PAN3: variants seen among roughly 807,000 people sequenced by gnomAD.
PAN3 encodes PAN2-PAN3 deadenylation complex subunit PAN3.
PAN3 carries 19 observed loss-of-function variants against 96.2 expected under a neutral mutation model. The observed-to-expected ratio is 0.20, with a 90% confidence interval of 0.14 to 0.29. The LOEUF (loss-of-function observed/expected upper bound fraction) is 0.29, where lower values mean the gene tolerates loss of function less well. Among genes scored for constraint, PAN3 ranks in the 10% least tolerant of loss-of-function variants. The pLI is 1.00. For synonymous variants in PAN3, 433 were observed against 406.6 expected (o/e 1.06, Z -0.78); for missense variants, 882 against 1,108.1 (o/e 0.80, Z 2.90).
chr13:28,178,559 T>C (rs1438259719), intron 4 of PAN3, among the ~76,000 whole-genome samples: 1 of 152,134 alleles, frequency 6.6e-6, no homozygotes, highest in African/African-American at 2.4e-5. Flanking sequence ...CTAGAGAAGA[T>C]AGTCTTTTTT....
chr13:28,182,619 T>G (rs923322270), intron 4 of PAN3, among the ~76,000 whole-genome samples: 1 of 152,204 alleles, frequency 6.6e-6, no homozygotes, highest in Non-Finnish European at 1.5e-5. Flanking sequence ...TGTTCTTGCT[T>G]TTAAAGCTTT....
intron 6 of PAN3, among the ~76,000 whole-genome samples, chr13:28,235,682 T>TACACACACACATACAC (rs1555285728): frequency 4.1e-5 from 5 of 123,402 alleles, no homozygotes; most frequent in African/African-American, 1.4e-4. Flanking sequence ...TTCTCTAATA[T>TACACACACACATACAC]ACACACACAC....
intron 4 of PAN3, among the ~76,000 whole-genome samples, chr13:28,188,759 G>A (rs980605898): frequency 2.6e-5 from 4 of 152,178 alleles, no homozygotes; most frequent in Non-Finnish European, 5.9e-5. Flanking sequence ...TTATTAATGA[G>A]TAGACCATGA....
chr13:28,172,197 T>TTTG (rs1252097822), intron 1 of PAN3, among the ~76,000 whole-genome samples: 2 of 152,230 alleles, frequency 1.3e-5, no homozygotes, highest in Non-Finnish European at 2.9e-5. Context: ...GGCTCACGCC[T>TTTG]GTAATCCCAA....
chr13:28,277,758 A>C (rs1482098892), intron 15 of PAN3, among the ~76,000 whole-genome samples: 1 of 152,242 alleles, frequency 6.6e-6, no homozygotes, highest in Non-Finnish European at 1.5e-5. Context: ...CAGACATAGA[A>C]TATTTCCCTC....
At chr13:28,169,038 A>G (rs974839447) in intron 1 of PAN3, among the ~76,000 whole-genome samples, 1 of 151,978 alleles carries the variant, frequency 6.6e-6, no homozygotes, top group East Asian at 1.9e-4. Flanking sequence ...AGTGAATTGC[A>G]AACTATTAGT....
intron 4 of PAN3, among the ~76,000 whole-genome samples, chr13:28,186,150 C>A (rs1253448491): frequency 6.6e-6 from 1 of 152,070 alleles, no homozygotes; most frequent in Non-Finnish European, 1.5e-5. Context: ...TTTATCAGTT[C>A]TCATTGATTC....
intron 6 of PAN3, among the ~76,000 whole-genome samples, chr13:28,229,486 A>C (rs1448278248): frequency 6.6e-6 from 1 of 152,202 alleles, no homozygotes; most frequent in Non-Finnish European, 1.5e-5. Context: ...ATTGAACCAG[A>C]ATACACTGAC....
intron 1 of PAN3, among the ~76,000 whole-genome samples, chr13:28,150,652 A>AG (rs1336620256): frequency 6.6e-6 from 1 of 152,056 alleles, no homozygotes; most frequent in Non-Finnish European, 1.5e-5. Flanking sequence ...AAAAAAAAAA[A>AG]AAGATTTAAT....
At chr13:28,283,557 C>T (rs1868560253) in intron 17 of PAN3, among the ~76,000 whole-genome samples, 2 of 152,072 alleles carry the variant, frequency 1.3e-5, no homozygotes, top group Admixed American at 1.3e-4. Context: ...TTCTTATCCC[C>T]TCCCCCTTTA....
chr13:28,256,059 A>G (rs892620497), intron 6 of PAN3, among the ~76,000 whole-genome samples: 4 of 152,208 alleles, frequency 2.6e-5, no homozygotes, highest in African/African-American at 7.2e-5. Flanking sequence ...CTATTCTTGC[A>G]GTAAATCTGC....
intron 18 of PAN3, among the ~76,000 whole-genome samples, chr13:28,290,294 G>A (rs1254011268): frequency 1.3e-5 from 2 of 152,144 alleles, no homozygotes; most frequent in African/African-American, 4.8e-5. Context: ...AACCTTTCAG[G>A]GAAAATGTTA....
intron 12 of PAN3, among the ~76,000 whole-genome samples, chr13:28,268,899 CATTT>C (rs1886392658): frequency 6.6e-6 from 1 of 151,986 alleles, no homozygotes; most frequent in Non-Finnish European, 1.5e-5. Context: ...AGAATGTGGT[CATTT>C]TTTTCCTTTT....
intron 6 of PAN3, among the ~76,000 whole-genome samples, chr13:28,241,230 T>C (rs984088041): frequency 6.6e-6 from 1 of 151,640 alleles, no homozygotes; most frequent in Non-Finnish European, 1.5e-5. Context: ...GCCACTGCAC[T>C]CCAGCCTGGG....
chr13:28,286,029 G>A (rs1161569550), intron 17 of PAN3, among the ~76,000 whole-genome samples: 1 of 152,118 alleles, frequency 6.6e-6, no homozygotes, highest in Admixed American at 6.5e-5. Context: ...TAAAAATAAG[G>A]TCCTAAAAAG....
At chr13:28,220,099 C>A (rs117848395) in intron 5 of PAN3, 132 bp from the exon 6 acceptor site, 18 of 877,066 alleles carry the variant, frequency 2.1e-5, no homozygotes, top group Non-Finnish European at 2.6e-5. Flanking sequence ...AATATGGAAC[C>A]GAAAACACTT....
At chr13:28,210,091 G>A (rs747920917) in intron 5 of PAN3, among the ~76,000 whole-genome samples, 7 of 151,878 alleles carry the variant, frequency 4.6e-5, no homozygotes, top group South Asian at 2.1e-4. Context: ...CTTATTTTTC[G>A]TTTTGATAAT....
intron 18 of PAN3, among the ~76,000 whole-genome samples, chr13:28,291,277 G>A (rs1869714223): frequency 6.6e-6 from 1 of 152,016 alleles, no homozygotes; most frequent in Admixed American, 6.6e-5. Context: ...AAAGTACATT[G>A]AAAATAACAA....
intron 1 of PAN3, among the ~76,000 whole-genome samples, chr13:28,148,022 C>T (rs997880776): frequency 6.6e-6 from 1 of 151,778 alleles, no homozygotes; most frequent in South Asian, 2.1e-4. Flanking sequence ...GTGGTGTGAT[C>T]ACAGCTCTTT....
Sources: gnomAD v4.1 joint callset for allele counts (sites outside exome capture counted in the v4.1 genomes callset) on GRCh38, gnomAD v4.1.1 for gene constraint, MANE v1.5 for transcripts, NCBI Gene and HGNC (gene_info 2026-07-23, HGNC 2026-07-21) for gene names.